MTDH: variants seen among roughly 807,000 people sequenced by gnomAD.
The protein encoded by MTDH is metadherin.
MTDH carries 34 observed loss-of-function variants against 72.7 expected under a neutral mutation model. That is an observed-to-expected ratio of 0.47 (90% confidence interval 0.36 to 0.62). MTDH has a LOEUF of 0.62. MTDH is among the 20% of genes least tolerant of loss of function. The probability of loss-of-function intolerance (pLI) is 0.00; values close to 1 mark genes in which losing one functional copy is unlikely to be tolerated. For missense variants in MTDH, 677 were observed against 699.4 expected (o/e 0.97, Z 0.36); for synonymous variants, 266 against 268.9 (o/e 0.99, Z 0.10).
chr8:97,714,416 C>T (rs1475627735), intron 9 of MTDH, among the ~76,000 whole-genome samples: 1 of 152,096 alleles, frequency 6.6e-6, no homozygotes, highest in African/African-American at 2.4e-5. Flanking sequence ...AGCTTGAGAC[C>T]AGCCTGGGCA....
chr8:97,728,280 G>A lies in MTDH; in HGVS notation c.*3610G>A, dbSNP rs1409529848. ...CATTTTTGATTTGTTTAAATTGCTC[G>A]TTACAGTTCTCTTGTGGGGAGGGAC... On this transcript the variant is annotated 3_prime_UTR_variant, in exon 12 of 12. Coordinates refer to ENST00000336273, the MANE Select transcript of MTDH (RefSeq NM_178812.4). 1.3e-5 allele frequency: 2 copies of A among 152,098 alleles called. No homozygotes were observed. The highest frequency in any genetic ancestry group is 6.6e-5 in the Admixed American group (1 of 15,262). 9.4% of individuals were successfully genotyped at this position (152,098 alleles called of 1,614,324 possible).
intron 2 of MTDH, among the ~76,000 whole-genome samples, chr8:97,670,614 C>T (rs1812572735): frequency 6.6e-6 from 1 of 152,156 alleles, no homozygotes; most frequent in Non-Finnish European, 1.5e-5. Context: ...CAGAGCGAGA[C>T]TCCGTCTCAA....
At chr8:97,687,388 TCCCC>T (rs1370361728) in intron 3 of MTDH, 37 bp from the exon 4 acceptor site, 2 of 1,537,234 alleles carry the variant, frequency 1.3e-6, no homozygotes, top group Admixed American at 2.0e-5. Flanking sequence ...TTTTTTGTCT[TCCCC>T]TTACTGAATA....
intron 8 of MTDH, among the ~76,000 whole-genome samples, chr8:97,707,721 A>G (rs868543902): frequency 2.0e-5 from 3 of 152,136 alleles, no homozygotes; most frequent in Middle Eastern, 6.8e-3. Flanking sequence ...ATGTCTGTCA[A>G]TACAAAGGGA....
At chr8:97,707,242 C>G (rs1814391190) in intron 8 of MTDH, among the ~76,000 whole-genome samples, 1 of 150,974 alleles carries the variant, frequency 6.6e-6, no homozygotes, top group Admixed American at 6.6e-5. Context: ...ACCTCTACCT[C>G]CTGTGTTCAA....
intron 4 of MTDH, 34 bp downstream of exon 4, chr8:97,687,639 A>T: frequency 6.7e-7 from 1 of 1,482,756 alleles, no homozygotes. Context: ...GTGGTACATC[A>T]AATCAAACTC....
rs1815496209 is a variant in MTDH at position 97,729,964 on chromosome 8, A to G, written c.*5294A>G. On this transcript the variant is annotated 3_prime_UTR_variant, in exon 12 of 12. Transcript: ENST00000336273. ...TAATATTTTAAAACATGAAAAAGGCATTACTATTGTTCTGGTCTAAGTACT... is the reference window on the plus strand; with the variant it reads ...TAATATTTTAAAACATGAAAAAGGCGTTACTATTGTTCTGGTCTAAGTACT... Among the ~76,000 whole-genome samples, 1 of 152,194 alleles carries G rather than the reference A, an allele frequency of 6.6e-6. No homozygotes were observed.
intron 6 of MTDH, among the ~76,000 whole-genome samples, chr8:97,692,680 T>C (rs895378714): frequency 1.2e-4 from 19 of 152,092 alleles, no homozygotes; most frequent in African/African-American, 4.6e-4. Flanking sequence ...CCAATTTTCC[T>C]TTTTTTAACC....
rs1815437918 is a variant in MTDH at position 97,728,443 on chromosome 8, T to C, written c.*3773T>C. On this transcript the variant is annotated 3_prime_UTR_variant, in exon 12 of 12. Transcript: ENST00000336273. Reference sequence around the variant, plus strand: ...AAATGTCACTGTTTGTGACACACAATGTTCTCTACAGAAAACTTCTTCTAT... The same window carrying C: ...AAATGTCACTGTTTGTGACACACAACGTTCTCTACAGAAAACTTCTTCTAT... The C allele has an allele frequency of 6.6e-6, 1 of 152,208 alleles. No homozygotes were observed. Among genetic ancestry groups the C allele is most frequent in the Non-Finnish European group, 1.5e-5 (1 of 68,040 alleles). 9.4% of individuals were successfully genotyped at this position (152,208 alleles called of 1,614,324 possible). A position where few individuals can be genotyped will look rare whatever the true frequency, so the allele number is the denominator to read the frequency against.
chr8:97,677,180 CAAAAAAAAAAAAAAA>C (rs71271142), intron 2 of MTDH, among the ~76,000 whole-genome samples: 20 of 44,130 alleles, frequency 4.5e-4, no homozygotes, highest in South Asian at 1.4e-3. Flanking sequence ...AAGCCTGTCT[CAAAAAAAAAAAAAAA>C]AAAAAAAAAA....
chr8:97,666,306 TATG>T (rs1812384087), intron 2 of MTDH, among the ~76,000 whole-genome samples: 2 of 152,242 alleles, frequency 1.3e-5, no homozygotes, highest in Admixed American at 6.5e-5. Flanking sequence ...CTTAAATTTT[TATG>T]ATGCTACACA....
Position 97,644,323 on chromosome 8 carries a change from A to G in MTDH, c.-184A>G. ...GGCGGAGTGAGGCTGACAGCGGGGA[A>G]CCTGGGAGACCCCTCCGCCCTCCCC... On this transcript the variant is annotated 5_prime_UTR_variant, in exon 1 of 12. Coordinates refer to ENST00000336273, the MANE Select transcript of MTDH (RefSeq NM_178812.4). 2.8e-6 allele frequency: 2 copies of G among 706,552 alleles called. No individual in the cohort carries two copies. The highest frequency in any genetic ancestry group is 4.3e-6 in the Non-Finnish European group (2 of 461,660). 43.8% of individuals were successfully genotyped at this position (706,552 alleles called of 1,614,324 possible). A position where few individuals can be genotyped will look rare whatever the true frequency, so the allele number is the denominator to read the frequency against.
At chr8:97,697,682 G>A (rs1813924139) in intron 6 of MTDH, among the ~76,000 whole-genome samples, 1 of 152,030 alleles carries the variant, frequency 6.6e-6, no homozygotes, top group African/African-American at 2.4e-5. Flanking sequence ...ACCGCACCTG[G>A]CCTGATTTTT....
At chr8:97,683,045 C>CCTTTTTTTTTTTT (rs1813199956) in intron 2 of MTDH, among the ~76,000 whole-genome samples, 1 of 44,338 alleles carries the variant, frequency 2.3e-5, no homozygotes. Flanking sequence ...CTCTTAGACA[C>CCTTTTTTTTTTTT]TTTTTTTTTT....
rs79533851 is a variant in MTDH at position 97,650,699 on chromosome 8, G to A, written c.381+5812G>A. On this transcript the variant is annotated intron_variant, in intron 1 of 11. Coordinates refer to ENST00000336273, the MANE Select transcript of MTDH (RefSeq NM_178812.4). ...CACCTAGCATAATGTTTCGTGTTTA[G>A]TGGAAACTATGGAATTGCCTTTTAA... Among the ~76,000 whole-genome samples the A allele has an allele frequency of 1.4e-4, 21 of 152,202 alleles. No individual in the cohort carries two copies. The East Asian group carries it at 3.9e-3, about 28-fold the overall frequency.
intron 2 of MTDH, among the ~76,000 whole-genome samples, chr8:97,675,559 C>CA (rs869166884): frequency 0.096 from 4,856 of 50,698 alleles, 197 homozygotes; most frequent in African/African-American, 0.15. Flanking sequence ...GACTCTGTCT[C>CA]AAAAAAAAAA....
Position 97,695,722 on chromosome 8 carries a change from T to C in MTDH, c.1049-4032T>C, listed in dbSNP as rs539067965. ...CTGGTTCAGACAGATCTATTAGGTA[T>C]GAATCTCTATTCTTCTACATGATAG... On this transcript the variant is annotated intron_variant, in intron 6 of 11. Coordinates refer to ENST00000336273, the MANE Select transcript of MTDH (RefSeq NM_178812.4). 1.8e-3 allele frequency among the ~76,000 whole-genome samples: 278 copies of C among 152,300 alleles called. 13 individuals are homozygous for C. The South Asian group carries it at 0.057, about 31-fold the overall frequency.
chr8:97,725,343 A>G lies in MTDH; in HGVS notation c.*673A>G, dbSNP rs1318063253. The G allele has an allele frequency of 6.6e-6, 1 of 152,620 alleles. No homozygotes were observed. The highest frequency in any genetic ancestry group is 2.4e-5 in the African/African-American group (1 of 41,450). 9.5% of individuals were successfully genotyped at this position (152,620 alleles called of 1,614,324 possible). On this transcript the variant is annotated 3_prime_UTR_variant, in exon 12 of 12. Coordinates refer to ENST00000336273, the MANE Select transcript of MTDH (RefSeq NM_178812.4). The stretch of plus-strand genomic sequence containing the variant: ...ACATTACTTGAATTGTTCAAAGTAC[A>G]GTATATTTTAAATTAAGAAAAGTGA...
chr8:97,708,436 C>T (rs1814460061), intron 8 of MTDH, among the ~76,000 whole-genome samples: 1 of 144,320 alleles, frequency 6.9e-6, no homozygotes, highest in African/African-American at 2.6e-5. Context: ...CACGCATCAC[C>T]ATGCCCAGCT....
Sources: allele counts gnomAD v4.1 joint callset (sites outside exome capture counted in the v4.1 genomes callset), GRCh38; gene constraint gnomAD v4.1.1; transcripts MANE v1.5; gene names NCBI Gene and HGNC (gene_info 2026-07-23, HGNC 2026-07-21).